Variants in PAPSS2 observed in about 807,000 individuals in gnomAD.
PAPSS2 encodes the protein 3'-phosphoadenosine 5'-phosphosulfate synthase 2.
In PAPSS2, 61 loss-of-function variants were observed where a neutral mutation model predicts 66.5. The observed-to-expected ratio is 0.92, with a 90% CI of 0.75 to 1.14. The LOEUF (loss-of-function observed/expected upper bound fraction) is 1.14. Among genes scored for constraint, PAPSS2 ranks in the 50% most tolerant of loss-of-function variants. The pLI, the probability that PAPSS2 is intolerant of heterozygous loss-of-function variation, is 0.00. For synonymous variants in PAPSS2, 289 were observed against 287.5 expected (o/e 1.01, Z -0.05); for missense variants, 708 against 789.6 (o/e 0.90, Z 1.24).
At chr10:87,724,911 G>C (rs1853641307) in intron 8 of PAPSS2, among the ~76,000 whole-genome samples, 3 of 126,274 alleles carry the variant, frequency 2.4e-5, no homozygotes, top group Non-Finnish European at 5.2e-5. Context: ...TTAAGGAATT[G>C]GTTCGTGTGA....
chr10:87,671,198 A>G (rs1852873904), intron 1 of PAPSS2, among the ~76,000 whole-genome samples: 1 of 152,236 alleles, frequency 6.6e-6, no homozygotes, highest in South Asian at 2.1e-4. Context: ...TTCAGTTAAA[A>G]TAACATATAA....
chr10:87,730,404 A>G (rs1389832575), intron 9 of PAPSS2, among the ~76,000 whole-genome samples: 2 of 152,224 alleles, frequency 1.3e-5, no homozygotes, highest in Non-Finnish European at 2.9e-5. Context: ...GAGGGAGGGA[A>G]GAGAAGGCCT....
Position 87,747,408 on chromosome 10 carries a change from T to C in PAPSS2, c.*1438T>C, listed in dbSNP as rs905329492. The C allele has an allele frequency of 2.6e-5, 4 of 152,120 alleles. No homozygotes were observed. Among genetic ancestry groups the C allele is most frequent in the Non-Finnish European group, 5.9e-5 (4 of 68,028 alleles). 9.4% of individuals were successfully genotyped at this position (152,120 alleles called of 1,614,324 possible). A position where few individuals can be genotyped will look rare whatever the true frequency, so the allele number is the denominator to read the frequency against. On this transcript the variant is annotated 3_prime_UTR_variant, in exon 13 of 13. Coordinates refer to ENST00000456849, the MANE Select transcript of PAPSS2 (RefSeq NM_001015880.2). ...TATTCTCATTCTTAAAAAACACTAA[T>C]CTTAACTAACAAAAGTTCTTTTGAG...
In PAPSS2 at chr10:87,713,234, G is replaced by A; in HGVS notation, c.305G>A (p.Arg102Gln). Residue 102 changes from arginine to glutamine, a missense_variant, in exon 3 of 13, where the codon CGG becomes CAG. Physicochemically the swap from Arg to Gln is conservative, Grantham distance 43. Transcript: ENST00000456849. ...GGGGACAGAGAGGAAAATATCCGCC[G>A]GATTGCTGAGGTGGCTAAGCTGTTT... ...SPGDREENIRRIAEVAKLFAD... is the reference protein window; with the variant it reads ...SPGDREENIRQIAEVAKLFAD... 3 of 1,606,730 alleles carry A rather than the reference G, an allele frequency of 1.9e-6. No homozygotes were observed. The highest frequency in any genetic ancestry group is 2.5e-6 in the Non-Finnish European group (3 of 1,177,272).
At chr10:87,660,164 C>G (rs1852731369) in intron 1 of PAPSS2, among the ~76,000 whole-genome samples, 156 bp downstream of exon 1, 1 of 152,118 alleles carries the variant, frequency 6.6e-6, no homozygotes, top group South Asian at 2.1e-4. Flanking sequence ...GAGAAAGAGG[C>G]TCTGTGTGGA....
Position 87,714,217 on chromosome 10 carries a change from A to G in PAPSS2, c.520+35A>G, listed in dbSNP as rs776035951. The G allele has an allele frequency of 3.1e-6, 5 of 1,605,448 alleles. No individual in the cohort carries two copies. In the East Asian group the frequency reaches 6.7e-5, roughly 21 times the overall value. Reference sequence around the variant, plus strand: ...TTGGCTAGTAGCGTCTACCAGTTACATAGGCTGTCAGTCCTCAGTCCTTAT... The same window carrying G: ...TTGGCTAGTAGCGTCTACCAGTTACGTAGGCTGTCAGTCCTCAGTCCTTAT... On this transcript the variant is annotated intron_variant, in intron 4 of 12. Coordinates refer to ENST00000456849, the MANE Select transcript of PAPSS2 (RefSeq NM_001015880.2).
intron 1 of PAPSS2, among the ~76,000 whole-genome samples, chr10:87,701,436 C>CTTTT (rs1853315841): frequency 1.5e-5 from 2 of 130,648 alleles, no homozygotes; most frequent in Admixed American, 8.2e-5. Flanking sequence ...CTCTCTCTTT[C>CTTTT]TTTCAGACAA....
At chr10:87,669,806 T>C (rs1156586799) in intron 1 of PAPSS2, among the ~76,000 whole-genome samples, 2 of 152,250 alleles carry the variant, frequency 1.3e-5, no homozygotes, top group African/African-American at 4.8e-5. Flanking sequence ...TTTAAAGAGT[T>C]ACCCAAAGGA....
In PAPSS2 at chr10:87,741,371, G is replaced by A; in HGVS notation, c.1222+1G>A. Reference sequence around the variant, plus strand: ...CAGAAATGTAAAGAAATGAATGCTGGTATGTAAACTGTTCTTAGTGCATTT... The same window carrying A: ...CAGAAATGTAAAGAAATGAATGCTGATATGTAAACTGTTCTTAGTGCATTT... On this transcript the variant is annotated splice_donor_variant, in intron 10 of 12. Coordinates refer to ENST00000456849, the MANE Select transcript of PAPSS2 (RefSeq NM_001015880.2). LOFTEE classifies it high-confidence loss of function. 1 of 1,610,186 alleles carries A rather than the reference G, an allele frequency of 6.2e-7. No individual in the cohort carries two copies. The highest frequency in any genetic ancestry group is 8.5e-7 in the Non-Finnish European group (1 of 1,176,508).
At chr10:87,712,676 C>T (rs555838300) in intron 2 of PAPSS2, among the ~76,000 whole-genome samples, 7 of 152,084 alleles carry the variant, frequency 4.6e-5, no homozygotes, top group South Asian at 2.1e-4. Flanking sequence ...AGGCTAGTTT[C>T]GAACTCCTGG....
chr10:87,707,423 G>A (rs1432553818), intron 1 of PAPSS2, among the ~76,000 whole-genome samples: 2 of 152,090 alleles, frequency 1.3e-5, no homozygotes, highest in Non-Finnish European at 2.9e-5. Flanking sequence ...CATTTATAGA[G>A]AACTTTGCCA....
At chr10:87,699,987 T>C (rs1035190194) in intron 1 of PAPSS2, among the ~76,000 whole-genome samples, 2 of 152,130 alleles carry the variant, frequency 1.3e-5, no homozygotes, top group African/African-American at 4.8e-5. Context: ...TTATTATCAC[T>C]ATTAGCATTT....
chr10:87,704,463 C>G (rs1853357394), intron 1 of PAPSS2, among the ~76,000 whole-genome samples: 1 of 152,220 alleles, frequency 6.6e-6, no homozygotes, highest in South Asian at 2.1e-4. Flanking sequence ...GGAAACAAAA[C>G]TGTCTCTATA....
rs549373683 is a variant in PAPSS2 at position 87,677,029 on chromosome 10, A to G, written c.27+17021A>G. Among the ~76,000 whole-genome samples, 9 of 151,932 alleles carry G rather than the reference A, an allele frequency of 5.9e-5. No individual in the cohort carries two copies. In the South Asian group the frequency reaches 1.7e-3, roughly 28 times the overall value. ...GACAACATGATGAAACCCCATCTCT[A>G]CTAAAAATAAAAAAATTAGCCGGGC... On this transcript the variant is annotated intron_variant, in intron 1 of 12. Coordinates refer to ENST00000456849, the MANE Select transcript of PAPSS2 (RefSeq NM_001015880.2).
intron 1 of PAPSS2, among the ~76,000 whole-genome samples, chr10:87,692,428 TCCCTGA>T (rs891552976): frequency 1.3e-5 from 2 of 151,838 alleles, no homozygotes; most frequent in Non-Finnish European, 2.9e-5. Context: ...GAGCTATGGA[TCCCTGA>T]CCCTAAAGAG....
intron 1 of PAPSS2, among the ~76,000 whole-genome samples, chr10:87,677,461 A>G (rs1298162283): frequency 2.0e-5 from 3 of 152,234 alleles, no homozygotes; most frequent in African/African-American, 7.2e-5. Flanking sequence ...CTATGCAACT[A>G]TCAGAATGGA....
intron 1 of PAPSS2, among the ~76,000 whole-genome samples, chr10:87,660,825 A>C (rs1044975897): frequency 3.6e-4 from 44 of 120,942 alleles, no homozygotes; most frequent in Non-Finnish European, 5.1e-4. Context: ...AAAAAAAAAA[A>C]AAAAAAAAAC....
At position 87,713,312 on chromosome 10, in the gene PAPSS2, TAAA is replaced by T. The variant is rs367885911; in HGVS notation, c.381+22_381+24del. The stretch of plus-strand genomic sequence containing the variant: ...AGCTTTATTTCTCCATTCGCAAAGG[TAAA>T]AAAAAAAAAAAAAAAAAAAGGCACT... On this transcript the variant is annotated splice_donor_5th_base_variant and intron_variant, in intron 3 of 12. Transcript: ENST00000456849. 0.04 allele frequency: 21,813 copies of T among 545,508 alleles called. 13 individuals are homozygous for T. Among genetic ancestry groups the T allele is most frequent in the Middle Eastern group, 0.067 (126 of 1,870 alleles). 33.8% of individuals were successfully genotyped at this position (545,508 alleles called of 1,614,324 possible).
chr10:87,727,473 A>C lies in PAPSS2; in HGVS notation c.1070A>C (p.Lys357Thr). 1.2e-6 allele frequency: 2 copies of C among 1,612,936 alleles called. No homozygotes were observed. Among genetic ancestry groups the C allele is most frequent in the East Asian group, 2.2e-5 (1 of 44,808 alleles). ...CSRVWGTTCT[K>T]HPHIKMVMES... ...CGTGTTTGGGGGACAACATGTACAAAACACCCCCATATCAAAGTAAGTCAC... is the reference window on the plus strand; with the variant it reads ...CGTGTTTGGGGGACAACATGTACAACACACCCCCATATCAAAGTAAGTCAC... Residue 357 changes from lysine to threonine, a missense_variant, in exon 9 of 13, where the codon AAA becomes ACA. Transcript: ENST00000456849.
Sources: gnomAD v4.1 joint callset for allele counts (sites outside exome capture counted in the v4.1 genomes callset) on GRCh38, gnomAD v4.1.1 for gene constraint, MANE v1.5 for transcripts, NCBI Gene and HGNC (gene_info 2026-07-23, HGNC 2026-07-21) for gene names.